Variants in C4orf50 observed in about 807,000 individuals in gnomAD.
C4orf50 encodes the protein chromosome 4 open reading frame 50, also known as uncharacterized protein C4orf50.
In C4orf50, 80 loss-of-function variants were observed where a neutral mutation model predicts 77.2. The observed-to-expected ratio is 1.04, with a 90% confidence interval of 0.87 to 1.25. The LOEUF (loss-of-function observed/expected upper bound fraction) is 1.25, where lower values mean the gene tolerates loss of function less well. Among genes scored for constraint, C4orf50 ranks in the 50% most tolerant of loss-of-function variants. C4orf50 has a pLI of 0.00. For missense variants in C4orf50, 1,257 were observed against 1,152.9 expected (o/e 1.09, Z -1.31); for synonymous variants, 532 against 465.3 (o/e 1.14, Z -1.84).
Position 6,017,048 on chromosome 4 carries a change from C to T in C4orf50, c.287+1097G>A, listed in dbSNP as rs183660374. ...TCTGCCAGTCTGGGTGTCAAGACAT[C>T]GTCAGGAAAGAAGATGGGCTTTAGA... On this transcript the variant is annotated intron_variant, in intron 23 of 33. Transcript: ENST00000531445. The surrounding 1 kb of genome is among the most constrained non-coding windows in gnomAD (Gnocchi z 4.7). Among the ~76,000 whole-genome samples, 8 of 152,272 alleles carry T rather than the reference C, an allele frequency of 5.3e-5. No individual in the cohort carries two copies. The highest frequency in any genetic ancestry group is 1.9e-4 in the East Asian group (1 of 5,182).
chr4:5,914,922 T>A (rs1159871876), intron 7 of C4orf50, among the ~76,000 whole-genome samples: 1 of 152,364 alleles, frequency 6.6e-6, no homozygotes, highest in South Asian at 2.1e-4. Flanking sequence ...CCTACTAGGA[T>A]AAATTCTCCT....
At chr4:5,981,459 C>T (rs1720582341) in intron 28 of C4orf50, among the ~76,000 whole-genome samples, 1 of 143,480 alleles carries the variant, frequency 7.0e-6, no homozygotes, top group Admixed American at 7.5e-5. Flanking sequence ...GGCTGGAGTG[C>T]AATGGCATGA....
chr4:6,004,292 A>ATGG (rs1722102488), intron 25 of C4orf50, among the ~76,000 whole-genome samples: 1 of 57,600 alleles, frequency 1.7e-5, no homozygotes, highest in Non-Finnish European at 3.3e-5. Context: ...GATGTTGGTG[A>ATGG]TGATGGTGAT....
chr4:5,973,543 G>A, intron 31 of C4orf50, 116 bp downstream of exon 9: 6 of 880,040 alleles, frequency 6.8e-6, no homozygotes, highest in Non-Finnish European at 1.1e-5. Context: ...CTTGGGTAGT[G>A]TCCGCGGTGG....
chr4:5,973,712 C>T (rs145323096), exon 31 of C4orf50: 17 of 1,614,000 alleles, frequency 1.1e-5, no homozygotes, highest in South Asian at 6.6e-5. Context: ...AGTGCCACGT[C>T]GTTGAGCATG....
In C4orf50 at chr4:5,934,467, G is replaced by A. The variant is rs189065529; in HGVS notation, c.*2474+22434C>T. On this transcript the variant is annotated intron_variant, in intron 7 of 7. Transcript: ENST00000324058. ...TCCCTGCAGGAGAAGCTCCAGGCTC[G>A]CTGGTCTGGCTCAAGAGTCCTCTGC... Among the ~76,000 whole-genome samples, 878 of 152,210 alleles carry A rather than the reference G, an allele frequency of 5.8e-3. 8 individuals are homozygous for A. Among genetic ancestry groups the A allele is most frequent in the Non-Finnish European group, 9.5e-3 (644 of 68,012 alleles).
intron 7 of C4orf50, among the ~76,000 whole-genome samples, chr4:5,937,205 C>A (rs1326822530): frequency 2.6e-5 from 4 of 151,854 alleles, no homozygotes; most frequent in Non-Finnish European, 5.9e-5. Context: ...AAAGTATTAA[C>A]TATATAAAAT....
rs140831024 is a variant in C4orf50 at position 5,984,063 on chromosome 4, G to A, written c.3700-3725C>T. Reference sequence around the variant, plus strand: ...TTGGTGAATGCTGTGGAACTCAGCTGATATCACTGAGAGGCCATGCCCTAA... The same window carrying A: ...TTGGTGAATGCTGTGGAACTCAGCTAATATCACTGAGAGGCCATGCCCTAA... On this transcript the variant is annotated intron_variant, in intron 28 of 33. Coordinates refer to ENST00000531445, the Ensembl canonical transcript of C4orf50. Among the ~76,000 whole-genome samples the A allele has an allele frequency of 3.4e-3, 512 of 152,350 alleles. 3 individuals are homozygous for A. Among genetic ancestry groups the A allele is most frequent in the African/African-American group, 0.01 (426 of 41,578 alleles).
intron 25 of C4orf50, among the ~76,000 whole-genome samples, chr4:6,002,343 T>C (rs1459120402): frequency 1.3e-5 from 2 of 152,214 alleles, no homozygotes; most frequent in Non-Finnish European, 2.9e-5. Flanking sequence ...ATGGCCCCAC[T>C]GCCACCTTGA....
At chr4:5,955,021 C>T (rs929220574), downstream of C4orf50, among the ~76,000 whole-genome samples, 11 of 152,112 alleles carry the variant, frequency 7.2e-5, no homozygotes, top group East Asian at 3.9e-4. This position sits in a 1 kb window ranked among gnomAD's most constrained non-coding sequence, Gnocchi z 5.1. Flanking sequence ...GCCTTGCTTC[C>T]CTCTGACCCC....
rs193051268 is a variant in C4orf50, at chr4:5,908,967, G to C, written c.*2475-10779C>G. On this transcript the variant is annotated intron_variant, in intron 7 of 7. Transcript: ENST00000324058. The surrounding 1 kb of genome is among the most constrained non-coding windows in gnomAD (Gnocchi z 5.6). ...CATTGTCCCAGCCCAGTCCATGACT[G>C]CCTCTTAGCTGGACCACAGAGAGTT... 2.0e-5 allele frequency among the ~76,000 whole-genome samples: 3 copies of C among 152,232 alleles called. No homozygotes were observed. Among genetic ancestry groups the C allele is most frequent in the Admixed American group, 6.5e-5 (1 of 15,278 alleles).
chr4:5,978,502 T>C (rs1720403457), intron 29 of C4orf50, among the ~76,000 whole-genome samples: 1 of 152,196 alleles, frequency 6.6e-6, no homozygotes, highest in South Asian at 2.1e-4. Context: ...ATTTCAAATA[T>C]ACTTAAAGTC....
chr4:5,930,183 T>C (rs923493529), intron 7 of C4orf50, among the ~76,000 whole-genome samples: 2 of 152,182 alleles, frequency 1.3e-5, no homozygotes, highest in Admixed American at 6.5e-5. Context: ...TGCCTTCCCA[T>C]TGACGTCTCT....
intron 7 of C4orf50, among the ~76,000 whole-genome samples, chr4:5,949,943 C>T (rs986183317): frequency 1.2e-4 from 18 of 146,806 alleles, no homozygotes; most frequent in Admixed American, 1.0e-3. Context: ...GAGCCAAGAT[C>T]GCGCCATTGC....
At position 5,919,516 on chromosome 4, in the gene C4orf50, G is replaced by A. The variant is rs190128899; in HGVS notation, c.*2475-21328C>T. ...CTGTGCAGGAGGCCATGTCGAGGACGTCTCCCAGGAAGGTTTCCCTGAGCA... is the reference window on the plus strand; with the variant it reads ...CTGTGCAGGAGGCCATGTCGAGGACATCTCCCAGGAAGGTTTCCCTGAGCA... On this transcript the variant is annotated intron_variant, in intron 7 of 7. Transcript: ENST00000324058. The surrounding 1 kb of genome is among the most constrained non-coding windows in gnomAD (Gnocchi z 6.5). Among the ~76,000 whole-genome samples, 32 of 152,242 alleles carry A rather than the reference G, an allele frequency of 2.1e-4. No individual in the cohort carries two copies. The East Asian group carries it at 2.1e-3, about 10-fold the overall frequency.
At chr4:5,976,084 C>G in intron 29 of C4orf50, 129 bp from the exon 8 acceptor site, 1 of 706,454 alleles carries the variant, frequency 1.4e-6, no homozygotes, top group Non-Finnish European at 2.5e-6. Flanking sequence ...GGACTCAGTG[C>G]CAGGAACAGG....
exon 28 of C4orf50, chr4:5,988,601 C>T: frequency 3.3e-6 from 5 of 1,536,264 alleles, no homozygotes; most frequent in Middle Eastern, 1.7e-4. Flanking sequence ...AAGGGTGGCC[C>T]ACAGGCTCTT....
intron 7 of C4orf50, among the ~76,000 whole-genome samples, chr4:5,926,027 G>A (rs763846277): frequency 7.9e-5 from 12 of 152,338 alleles, no homozygotes; most frequent in Non-Finnish European, 1.3e-4. Flanking sequence ...GCGGAGCCAC[G>A]CACAGATCCA....
In C4orf50 at chr4:6,008,532, T is replaced by C; in HGVS notation, c.427A>G (p.Ile143Val). 1 of 397,856 alleles carries C rather than the reference T, an allele frequency of 2.5e-6. No homozygotes were observed. Among genetic ancestry groups the C allele is most frequent in the Non-Finnish European group, 4.4e-6 (1 of 225,518 alleles). 24.6% of individuals were successfully genotyped at this position (397,856 alleles called of 1,614,324 possible). A position where few individuals can be genotyped will look rare whatever the true frequency, so the allele number is the denominator to read the frequency against. The change falls in exon 25 of 34, where the codon ATC becomes GTC. Residue 143 changes from isoleucine (I) to valine (V), a missense_variant and splice_region_variant. Ile to Val is a conservative substitution (Grantham distance 29). Transcript: ENST00000531445. This position sits in a 1 kb window ranked among gnomAD's most constrained non-coding sequence, Gnocchi z 6.0. ...CGCCTGGCCACGCTCTCCTCCCGGATCTACAAGTTGGCGGTGGATGAGGGC... is the reference window on the plus strand; with the variant it reads ...CGCCTGGCCACGCTCTCCTCCCGGACCTACAAGTTGGCGGTGGATGAGGGC...
Sources: allele counts gnomAD v4.1 joint callset (sites outside exome capture counted in the v4.1 genomes callset), GRCh38; gene constraint gnomAD v4.1.1; non-coding constraint Gnocchi (gnomAD v3.1); transcripts MANE v1.5; gene names NCBI Gene and HGNC (gene_info 2026-07-23, HGNC 2026-07-21).